Variants in OR5A2 observed in about 807,000 individuals in gnomAD.
The protein encoded by OR5A2 is olfactory receptor 5A2.
For missense variants in OR5A2, 406 were observed against 398.9 expected (o/e 1.02, Z -0.15); for synonymous variants, 155 against 151.1 (o/e 1.03, Z -0.19).
At position 59,420,091 on chromosome 11, in the gene OR5A2, T is replaced by C. The variant is rs891052194; in HGVS notation, c.*1888A>G. 1 of 152,116 alleles carries C rather than the reference T, an allele frequency of 6.6e-6. No individual in the cohort carries two copies. Among genetic ancestry groups the C allele is most frequent in the Non-Finnish European group, 1.5e-5 (1 of 68,022 alleles). 9.4% of individuals were successfully genotyped at this position (152,116 alleles called of 1,614,324 possible). A position where few individuals can be genotyped will look rare whatever the true frequency, so the allele number is the denominator to read the frequency against. On this transcript the variant is annotated 3_prime_UTR_variant, in exon 2 of 2. Transcript: ENST00000302040. Reference sequence around the variant, plus strand: ...TGTATATGGTGTTAAATAAAACCCATCTAATGAGAATTTATGGTTTGCAGG... The same window carrying C: ...TGTATATGGTGTTAAATAAAACCCACCTAATGAGAATTTATGGTTTGCAGG...
rs1565069346 is a variant in OR5A2 at position 59,418,118 on chromosome 11, A to G, written c.*3861T>C. ...GTCATCTTGGAAGAAAGGAAAAGGAATGCTTGGGGAGAAAAATTGGTAGTG... is the reference window on the plus strand; with the variant it reads ...GTCATCTTGGAAGAAAGGAAAAGGAGTGCTTGGGGAGAAAAATTGGTAGTG... On this transcript the variant is annotated 3_prime_UTR_variant, in exon 2 of 2. Coordinates refer to ENST00000302040, the MANE Select transcript of OR5A2 (RefSeq NM_001001954.2). 1 of 152,118 alleles carries G rather than the reference A, an allele frequency of 6.6e-6. No individual in the cohort carries two copies. Among genetic ancestry groups the G allele is most frequent in the African/African-American group, 2.4e-5 (1 of 41,444 alleles). The allele number at this position is 152,118 out of a possible 1,614,324, so 9.4% of individuals were successfully genotyped here.
chr11:59,425,964 T>C (rs957732280), intron 1 of OR5A2: 4 of 152,188 alleles, frequency 2.6e-5, no homozygotes, highest in South Asian at 2.1e-4. Flanking sequence ...TATAATAATA[T>C]AATCAAACAC....
chr11:59,422,018 A>T lies in OR5A2; in HGVS notation c.936T>A (p.Ile312=). The T allele has an allele frequency of 6.2e-7, 1 of 1,613,274 alleles. No homozygotes were observed. Among genetic ancestry groups the T allele is most frequent in the Non-Finnish European group, 8.5e-7 (1 of 1,179,492 alleles). Residue 312 remains isoleucine (I), a synonymous_variant, in exon 2 of 2, where the codon ATT becomes ATA. Transcript: ENST00000302040. ...MRKAMERDPG[I]SHGGPFIFMT... ...TAAAAATGAATGGTCCACCGTGAGAAATCCCGGGGTCCCTTTCCATGGCTT... is the reference window on the plus strand; with the variant it reads ...TAAAAATGAATGGTCCACCGTGAGATATCCCGGGGTCCCTTTCCATGGCTT...
chr11:59,423,810 C>T (rs1270261929), intron 1 of OR5A2: 1 of 151,988 alleles, frequency 6.6e-6, no homozygotes, highest in Non-Finnish European at 1.5e-5. Flanking sequence ...AAAATTTGGA[C>T]TAGCACGGTC....
At position 59,420,247 on chromosome 11, in the gene OR5A2, AT is replaced by A. The variant is rs1181866968; in HGVS notation, c.*1731del. 1 of 152,122 alleles carries A rather than the reference AT, an allele frequency of 6.6e-6. No homozygotes were observed. The highest frequency in any genetic ancestry group is 1.5e-5 in the Non-Finnish European group (1 of 68,022). The allele number at this position is 152,122 out of a possible 1,614,324, so 9.4% of individuals were successfully genotyped here. A position where few individuals can be genotyped will look rare whatever the true frequency, so the allele number is the denominator to read the frequency against. ...TTGGATCAGGCTATGTACCTACAAA[AT>A]GGCAGAGATGAAATTAATAATCTCA... is the stretch of plus-strand genomic sequence containing the variant. On this transcript the variant is annotated 3_prime_UTR_variant, in exon 2 of 2. Transcript: ENST00000302040.
In OR5A2 at chr11:59,420,703, G is replaced by A. The variant is rs1590605829; in HGVS notation, c.*1276C>T. On this transcript the variant is annotated 3_prime_UTR_variant, in exon 2 of 2. Coordinates refer to ENST00000302040, the MANE Select transcript of OR5A2 (RefSeq NM_001001954.2). ...AATTTATTCTAGTTCTTTAATGCCA[G>A]TTCAAGGATACATAACAAGTTCTAA... 6.6e-6 allele frequency: 1 copy of A among 152,180 alleles called. No individual in the cohort carries two copies. Among genetic ancestry groups the A allele is most frequent in the Non-Finnish European group, 1.5e-5 (1 of 68,034 alleles). The allele number at this position is 152,180 out of a possible 1,614,324, so 9.4% of individuals were successfully genotyped here.
chr11:59,420,000 A>G lies in OR5A2; in HGVS notation c.*1979T>C, dbSNP rs1433683567. ...ATTTCAAGGTATGTCAAGGAAATATATTTTTGTGTAAAACATTTTGATTTT... is the reference window on the plus strand; with the variant it reads ...ATTTCAAGGTATGTCAAGGAAATATGTTTTTGTGTAAAACATTTTGATTTT... On this transcript the variant is annotated 3_prime_UTR_variant, in exon 2 of 2. Coordinates refer to ENST00000302040, the MANE Select transcript of OR5A2 (RefSeq NM_001001954.2). 1 of 152,152 alleles carries G rather than the reference A, an allele frequency of 6.6e-6. No individual in the cohort carries two copies. The highest frequency in any genetic ancestry group is 2.4e-5 in the African/African-American group (1 of 41,430). The allele number at this position is 152,152 out of a possible 1,614,324, so 9.4% of individuals were successfully genotyped here. A position where few individuals can be genotyped will look rare whatever the true frequency, so the allele number is the denominator to read the frequency against.
Position 59,422,518 on chromosome 11 carries a change from C to T in OR5A2, c.436G>A (p.Val146Met), listed in dbSNP as rs1253702148. The T allele has an allele frequency of 6.2e-7, 1 of 1,614,142 alleles. No homozygotes were observed. The highest frequency in any genetic ancestry group is 1.7e-5 in the Admixed American group (1 of 60,010). Residue 146 changes from valine to methionine, a missense_variant, in exon 2 of 2, where the codon GTG (valine) becomes ATG (methionine). Physicochemically the swap from Val to Met is conservative, Grantham distance 21 (BLOSUM62 1). Coordinates refer to ENST00000302040, the MANE Select transcript of OR5A2 (RefSeq NM_001001954.2). Reference sequence around the variant, plus strand: ...AATCCACCCACATAGGCGCCAACCACCATCTTTAAACAAAGTGTATGGGAT... The same window carrying T: ...AATCCACCCACATAGGCGCCAACCATCATCTTTAAACAAAGTGTATGGGAT... The part of the protein sequence containing the change: ...LISHTLCLKM[V>M]VGAYVGGFLS...
chr11:59,425,884 T>G (rs895283257), intron 1 of OR5A2: 1 of 152,210 alleles, frequency 6.6e-6, no homozygotes, highest in Non-Finnish European at 1.5e-5. Flanking sequence ...ATATTTGGTG[T>G]GTTACTATTA....
chr11:59,421,534 C>T lies in OR5A2; in HGVS notation c.*445G>A, dbSNP rs147368114. 9 of 159,256 alleles carry T rather than the reference C, an allele frequency of 5.7e-5. No individual in the cohort carries two copies. Among genetic ancestry groups the T allele is most frequent in the South Asian group, 3.7e-4 (2 of 5,474 alleles). The allele number at this position is 159,256 out of a possible 1,614,324, so 9.9% of individuals were successfully genotyped here. On this transcript the variant is annotated 3_prime_UTR_variant, in exon 2 of 2. Coordinates refer to ENST00000302040, the MANE Select transcript of OR5A2 (RefSeq NM_001001954.2). ...ATTCTGAAACATGGGAAGGTATCTG[C>T]CCTGTGGTTTTCATGAGCTCTAAGG...
chr11:59,423,494 A>G (rs917293319), intron 1 of OR5A2: 2 of 152,678 alleles, frequency 1.3e-5, no homozygotes, highest in Non-Finnish European at 2.9e-5. Flanking sequence ...TTAGTGGGCT[A>G]CAATTTTTGA....
At position 59,422,876 on chromosome 11, in the gene OR5A2, A is replaced by C. The variant is rs144760407; in HGVS notation, c.78T>G (p.Ile26Met). Residue 26 changes from isoleucine to methionine, a missense_variant, in exon 2 of 2, where the codon ATT becomes ATG. Coordinates refer to ENST00000302040, the MANE Select transcript of OR5A2 (RefSeq NM_001001954.2). ...LGLSDHPQMK[I>M]FLFMLFLGLY... Reference sequence around the variant, plus strand: ...GCCCCAGAAATAACATGAAAAGGAAAATCTTCATTTGAGGATGGTCTGAAA... The same window carrying C: ...GCCCCAGAAATAACATGAAAAGGAACATCTTCATTTGAGGATGGTCTGAAA... 6.2e-7 allele frequency: 1 copy of C among 1,614,110 alleles called. No homozygotes were observed. Among genetic ancestry groups the C allele is most frequent in the Non-Finnish European group, 8.5e-7 (1 of 1,179,996 alleles).
intron 1 of OR5A2, chr11:59,425,479 C>T (rs1290720429): frequency 1.3e-5 from 2 of 152,104 alleles, no homozygotes; most frequent in African/African-American, 2.4e-5. Context: ...CTGCATGACC[C>T]CTAAACAGTA....
chr11:59,421,879 G>T lies in OR5A2; in HGVS notation c.*100C>A. 7.6e-7 allele frequency: 1 copy of T among 1,310,764 alleles called. No individual in the cohort carries two copies. The highest frequency in any genetic ancestry group is 1.0e-6 in the Non-Finnish European group (1 of 962,600). The allele number at this position is 1,310,764 out of a possible 1,614,324, so 81.2% of individuals were successfully genotyped here. On this transcript the variant is annotated 3_prime_UTR_variant, in exon 2 of 2. Transcript: ENST00000302040. ...TATTAGTGAAATCTTAAGCAGGAGGGAAAAAAGCCTGATTCCCACAATTCA... is the reference window on the plus strand; with the variant it reads ...TATTAGTGAAATCTTAAGCAGGAGGTAAAAAAGCCTGATTCCCACAATTCA...
At chr11:59,423,275 T>G (rs941276471) in intron 1 of OR5A2, 4 of 234,562 alleles carry the variant, frequency 1.7e-5, no homozygotes, top group African/African-American at 8.9e-5. Context: ...TTTGGAAAAG[T>G]CATTTCTCCA....
chr11:59,425,023 G>A (rs1047081657), intron 1 of OR5A2: 2 of 152,148 alleles, frequency 1.3e-5, no homozygotes, highest in Non-Finnish European at 2.9e-5. Flanking sequence ...ATCTATCCTT[G>A]TAACCACCCA....
Position 59,426,300 on chromosome 11 carries a change from C to T in OR5A2, c.-221G>A, listed in dbSNP as rs979288514. 2.0e-5 allele frequency: 3 copies of T among 152,194 alleles called. No homozygotes were observed. The highest frequency in any genetic ancestry group is 7.2e-5 in the African/African-American group (3 of 41,450). 9.4% of individuals were successfully genotyped at this position (152,194 alleles called of 1,614,324 possible). A position where few individuals can be genotyped will look rare whatever the true frequency, so the allele number is the denominator to read the frequency against. On this transcript the variant is annotated 5_prime_UTR_variant, in exon 1 of 2. Transcript: ENST00000302040. Reference sequence around the variant, plus strand: ...TCCCACTGCTCCATGGCTGGTTTCTCGTTCCATCAATTTCTTATGCTTTGG... The same window carrying T: ...TCCCACTGCTCCATGGCTGGTTTCTTGTTCCATCAATTTCTTATGCTTTGG...
rs1251780971 is a variant in OR5A2 at position 59,420,567 on chromosome 11, A to G, written c.*1412T>C. On this transcript the variant is annotated 3_prime_UTR_variant, in exon 2 of 2. Coordinates refer to ENST00000302040, the MANE Select transcript of OR5A2 (RefSeq NM_001001954.2). ...AAATTACTATTATAATTTCCATTTTATGGTTAGGATCTGAGGCACCTAGAG... is the reference window on the plus strand; with the variant it reads ...AAATTACTATTATAATTTCCATTTTGTGGTTAGGATCTGAGGCACCTAGAG... The G allele has an allele frequency of 6.6e-6, 1 of 151,932 alleles. No individual in the cohort carries two copies. The highest frequency in any genetic ancestry group is 1.5e-5 in the Non-Finnish European group (1 of 67,924). The allele number at this position is 151,932 out of a possible 1,614,324, so 9.4% of individuals were successfully genotyped here.
At position 59,418,994 on chromosome 11, in the gene OR5A2, A is replaced by G. The variant is rs1311476868; in HGVS notation, c.*2985T>C. 1 of 152,108 alleles carries G rather than the reference A, an allele frequency of 6.6e-6. No homozygotes were observed. Among genetic ancestry groups the G allele is most frequent in the Non-Finnish European group, 1.5e-5 (1 of 68,024 alleles). 9.4% of individuals were successfully genotyped at this position (152,108 alleles called of 1,614,324 possible). A position where few individuals can be genotyped will look rare whatever the true frequency, so the allele number is the denominator to read the frequency against. ...TGACTACCATTTTGAAAATTGATAA[A>G]CTGAAGGATAGGAGCTTGGTGAGTT... On this transcript the variant is annotated 3_prime_UTR_variant, in exon 2 of 2. Transcript: ENST00000302040.
Sources: allele counts gnomAD v4.1 joint callset, GRCh38; gene constraint gnomAD v4.1.1; transcripts MANE v1.5; gene names NCBI Gene and HGNC (gene_info 2026-07-23, HGNC 2026-07-21).